PIGU: variants seen among roughly 807,000 people sequenced by gnomAD.
PIGU encodes GPI-anchor transamidase component PIGU.
In PIGU, 24 loss-of-function variants were observed where a neutral mutation model predicts 49.9. That is an observed-to-expected ratio of 0.48 (90% CI 0.35 to 0.68). The LOEUF (loss-of-function observed/expected upper bound fraction) is 0.68, where lower values mean the gene tolerates loss of function less well. Ranked by LOEUF, PIGU falls within the 30% of genes least tolerant of loss-of-function variation. The probability of loss-of-function intolerance (pLI) is 0.01; values close to 1 mark genes in which losing one functional copy is unlikely to be tolerated. For missense variants in PIGU, 490 were observed against 532.6 expected (o/e 0.92, Z 0.79); for synonymous variants, 220 against 205.7 (o/e 1.07, Z -0.59).
rs568379635 is a variant in PIGU, at chr20:34,565,249, A to T, written c.1195-4270T>A. 6.7e-4 allele frequency among the ~76,000 whole-genome samples: 87 copies of T among 130,014 alleles called. 1 individual carries two copies. In the South Asian group the frequency reaches 0.019, roughly 29 times the overall value. 85.3% of individuals were successfully genotyped at this position (130,014 alleles called of 152,430 possible). On this transcript the variant is annotated intron_variant, in intron 11 of 11. Transcript: ENST00000217446. Reference sequence around the variant, plus strand: ...TAATAGGCTCTAGCTTGTTACCAACAATGCTGGGCTCCTCTAGTTTTTTTT... The same window carrying T: ...TAATAGGCTCTAGCTTGTTACCAACTATGCTGGGCTCCTCTAGTTTTTTTT...
intron 6 of PIGU, among the ~76,000 whole-genome samples, chr20:34,619,408 G>A (rs1314387705): frequency 6.6e-6 from 1 of 152,128 alleles, no homozygotes; most frequent in Non-Finnish European, 1.5e-5. Context: ...TCTTTGATTG[G>A]GTCAAAAATC....
chr20:34,633,624 G>C (rs937555912), intron 6 of PIGU, among the ~76,000 whole-genome samples: 1 of 151,234 alleles, frequency 6.6e-6, no homozygotes, highest in African/African-American at 2.4e-5. Flanking sequence ...CTGGAATGCA[G>C]TGGCGAGATC....
At chr20:34,644,719 C>A (rs1345597358) in intron 3 of PIGU, among the ~76,000 whole-genome samples, 1 of 152,140 alleles carries the variant, frequency 6.6e-6, no homozygotes, top group Non-Finnish European at 1.5e-5. Context: ...AAGCTTCTCG[C>A]CCCTGAAAGC....
At chr20:34,592,017 C>T (rs1406881712) in intron 7 of PIGU, among the ~76,000 whole-genome samples, 5 of 151,992 alleles carry the variant, frequency 3.3e-5, no homozygotes, top group Admixed American at 1.3e-4. Context: ...GAAACTCTGA[C>T]TCAACTAAAA....
chr20:34,608,777 G>T (rs560171580), intron 7 of PIGU, among the ~76,000 whole-genome samples: 1 of 152,292 alleles, frequency 6.6e-6, no homozygotes, highest in African/African-American at 2.4e-5. Flanking sequence ...CAACTCCCCA[G>T]CAAGTGGCCA....
chr20:34,647,861 T>A (rs920172934), intron 2 of PIGU, among the ~76,000 whole-genome samples: 1 of 152,206 alleles, frequency 6.6e-6, no homozygotes, highest in African/African-American at 2.4e-5. Context: ...ATATATGACA[T>A]GTAGGCTCAG....
chr20:34,672,745 T>G (rs978765441), intron 1 of PIGU, among the ~76,000 whole-genome samples: 5 of 150,870 alleles, frequency 3.3e-5, no homozygotes, highest in African/African-American at 1.2e-4. Flanking sequence ...ATCCCAGCTG[T>G]TTGGGAGGCT....
chr20:34,581,084 A>G (rs1273157327), intron 10 of PIGU, among the ~76,000 whole-genome samples: 2 of 152,190 alleles, frequency 1.3e-5, no homozygotes, highest in Non-Finnish European at 2.9e-5. Flanking sequence ...TAGTTACCCT[A>G]TTGAACTGTG....
chr20:34,567,889 C>G (rs1279018293), intron 11 of PIGU, among the ~76,000 whole-genome samples: 1 of 151,922 alleles, frequency 6.6e-6, no homozygotes, highest in Non-Finnish European at 1.5e-5. Flanking sequence ...TTAGATCCTA[C>G]CCATCCCTCA....
At chr20:34,619,427 T>G (rs8113903) in intron 6 of PIGU, among the ~76,000 whole-genome samples, 1 of 152,124 alleles carries the variant, frequency 6.6e-6, no homozygotes, top group Non-Finnish European at 1.5e-5. Flanking sequence ...TCTGAATGAT[T>G]TTTTGGTGGG....
intron 1 of PIGU, among the ~76,000 whole-genome samples, chr20:34,673,126 T>C (rs914696296): frequency 2.2e-4 from 34 of 151,448 alleles, no homozygotes; most frequent in African/African-American, 8.2e-4. Context: ...TGGTGGCGGG[T>C]GCCTGTAGTC....
intron 2 of PIGU, among the ~76,000 whole-genome samples, chr20:34,649,677 G>A (rs1986467388): frequency 6.6e-6 from 1 of 151,206 alleles, no homozygotes; most frequent in Non-Finnish European, 1.5e-5. Flanking sequence ...TGGGATTACA[G>A]GCGTATGCCA....
At chr20:34,633,681 C>T (rs779244909) in intron 6 of PIGU, among the ~76,000 whole-genome samples, 2 of 151,976 alleles carry the variant, frequency 1.3e-5, no homozygotes, top group Non-Finnish European at 2.9e-5. Context: ...CATTCCCCTG[C>T]CTCAGCCTCC....
chr20:34,561,244 C>G (rs1982493509), intron 11 of PIGU, among the ~76,000 whole-genome samples: 1 of 152,182 alleles, frequency 6.6e-6, no homozygotes, highest in African/African-American at 2.4e-5. Flanking sequence ...CGAATGCCAG[C>G]CTGGTGCCTG....
chr20:34,634,417 T>G (rs1254284468), intron 6 of PIGU, among the ~76,000 whole-genome samples, 198 bp downstream of exon 6: 1 of 152,110 alleles, frequency 6.6e-6, no homozygotes, highest in African/African-American at 2.4e-5. Flanking sequence ...GTCTGAGAAG[T>G]TAAGTTTTCA....
chr20:34,637,842 T>A, intron 5 of PIGU, 34 bp downstream of exon 5: 2 of 1,596,362 alleles, frequency 1.3e-6, no homozygotes, highest in Non-Finnish European at 8.5e-7. Flanking sequence ...TCGCATTTGT[T>A]GGCACTAAGC....
At position 34,588,610 on chromosome 20, in the gene PIGU, G is replaced by A. The variant is rs368566165; in HGVS notation, c.628-3C>T. The A allele has an allele frequency of 9.9e-6, 16 of 1,611,084 alleles. No individual in the cohort carries two copies. The highest frequency in any genetic ancestry group is 1.4e-5 in the Non-Finnish European group (16 of 1,178,658). Reference sequence around the variant, plus strand: ...ATTTTCACAGGTATGTACTGCCGCTGGAGAGAAGGCAAAGTGATATAAACT... The same window carrying A: ...ATTTTCACAGGTATGTACTGCCGCTAGAGAGAAGGCAAAGTGATATAAACT... On this transcript the variant is annotated splice_polypyrimidine_tract_variant and splice_region_variant and intron_variant, in intron 7 of 11. Coordinates refer to ENST00000217446, the MANE Select transcript of PIGU (RefSeq NM_080476.5).
chr20:34,571,731 TATG>T (rs1983021436), intron 11 of PIGU, among the ~76,000 whole-genome samples: 1 of 152,210 alleles, frequency 6.6e-6, no homozygotes, highest in Non-Finnish European at 1.5e-5. Context: ...GAAAGGTCTC[TATG>T]AGGAGGTGAC....
intron 7 of PIGU, among the ~76,000 whole-genome samples, chr20:34,611,666 G>A (rs148385689): frequency 9.3e-3 from 600 of 64,690 alleles, no homozygotes; most frequent in Middle Eastern, 0.025. Context: ...AAAAAAAAAA[G>A]ACAAAAAAAA....
Sources: allele counts gnomAD v4.1 joint callset (sites outside exome capture counted in the v4.1 genomes callset), GRCh38; gene constraint gnomAD v4.1.1; transcripts MANE v1.5; gene names NCBI Gene and HGNC (gene_info 2026-07-23, HGNC 2026-07-21).